ZNF385C: variants seen among roughly 807,000 people sequenced by gnomAD.
The protein encoded by ZNF385C is zinc finger protein 385C.
Under a neutral mutation model 35.4 loss-of-function variants are expected in ZNF385C, and 28 were observed. The observed-to-expected ratio is 0.79, with a 90% CI of 0.59 to 1.08. ZNF385C has a LOEUF of 1.08. Ranked by LOEUF, ZNF385C falls within the 50% of genes least tolerant of loss-of-function variation. The probability of loss-of-function intolerance (pLI) is 0.00; values close to 1 mark genes in which losing one functional copy is unlikely to be tolerated. For synonymous variants in ZNF385C, 248 were observed against 248.2 expected (o/e 1.00, Z 0.01); for missense variants, 605 against 595.6 (o/e 1.02, Z -0.16).
At chr17:42,080,718 A>G (rs1211350448) in intron 1 of ZNF385C, among the ~76,000 whole-genome samples, 1 of 152,216 alleles carries the variant, frequency 6.6e-6, no homozygotes, top group South Asian at 2.1e-4. Context: ...CAGGCCATGA[A>G]GAAGGAGTCC....
At chr17:42,042,823 C>G (rs1171802531) in intron 2 of ZNF385C, 6 of 1,232,104 alleles carry the variant, frequency 4.9e-6, no homozygotes, top group Non-Finnish European at 6.1e-6. Context: ...ATACTTCTGG[C>G]TGTCACCCAC....
intron 1 of ZNF385C, among the ~76,000 whole-genome samples, chr17:42,091,387 G>C (rs778490775): frequency 2.6e-5 from 4 of 151,982 alleles, no homozygotes; most frequent in Admixed American, 6.6e-5. Flanking sequence ...CGGAGGCTGC[G>C]GTGAGCTGTT....
intron 1 of ZNF385C, among the ~76,000 whole-genome samples, chr17:42,089,489 C>T (rs2053842752): frequency 6.6e-6 from 1 of 152,142 alleles, no homozygotes; most frequent in African/African-American, 2.4e-5. Context: ...ACCCCTTCCA[C>T]CTGATTCCTC....
intron 2 of ZNF385C, chr17:42,040,487 G>A (rs2052991204): frequency 8.1e-7 from 1 of 1,232,434 alleles, no homozygotes; most frequent in Non-Finnish European, 1.0e-6. Context: ...TGCAGGACAA[G>A]GGAGAGCTTC....
intron 2 of ZNF385C, among the ~76,000 whole-genome samples, chr17:42,047,320 C>T (rs1279844942): frequency 1.3e-5 from 2 of 152,192 alleles, no homozygotes; most frequent in Non-Finnish European, 2.9e-5. Context: ...GTGTGAGCCA[C>T]TGCGCCTGGC....
At chr17:42,059,566 G>A (rs2053430425) in intron 2 of ZNF385C, among the ~76,000 whole-genome samples, 1 of 152,168 alleles carries the variant, frequency 6.6e-6, no homozygotes, top group African/African-American at 2.4e-5. Context: ...CAGCCATCTG[G>A]GCAGCCTGTC....
chr17:42,086,982 G>C (rs1372544479), intron 1 of ZNF385C, among the ~76,000 whole-genome samples: 1 of 151,446 alleles, frequency 6.6e-6, no homozygotes, highest in Non-Finnish European at 1.5e-5. Context: ...CACCACGCCC[G>C]GCTAATTTTT....
At chr17:42,082,244 G>A (rs1555659777) in intron 1 of ZNF385C, among the ~76,000 whole-genome samples, 1 of 152,162 alleles carries the variant, frequency 6.6e-6, no homozygotes, top group Admixed American at 6.5e-5. Context: ...ACCAAGCCCA[G>A]CACCTCACAG....
At chr17:42,076,853 G>C (rs1021691993) in intron 1 of ZNF385C, among the ~76,000 whole-genome samples, 2 of 152,156 alleles carry the variant, frequency 1.3e-5, no homozygotes, top group Non-Finnish European at 2.9e-5. Flanking sequence ...AAATGAAAAA[G>C]CTCTTCCTGG....
intron 5 of ZNF385C, among the ~76,000 whole-genome samples, chr17:42,031,063 G>A (rs1555654956): frequency 6.7e-6 from 1 of 150,328 alleles, no homozygotes; most frequent in East Asian, 1.9e-4. Flanking sequence ...GGGGGTGGGG[G>A]TGGGCAGGGG....
chr17:42,055,476 A>G (rs577413160), intron 2 of ZNF385C, among the ~76,000 whole-genome samples: 1 of 152,082 alleles, frequency 6.6e-6, no homozygotes, highest in Admixed American at 6.6e-5. Flanking sequence ...AGCGTGGGGC[A>G]CTTCTGTCAC....
intron 2 of ZNF385C, chr17:42,038,201 C>T: frequency 1.4e-6 from 1 of 708,414 alleles, no homozygotes; most frequent in East Asian, 2.8e-5. Context: ...TCTGGGCAGG[C>T]CCTGACACAC....
intron 2 of ZNF385C, among the ~76,000 whole-genome samples, chr17:42,043,819 T>G (rs1468177684): frequency 6.6e-6 from 1 of 152,116 alleles, no homozygotes; most frequent in African/African-American, 2.4e-5. Flanking sequence ...TAATTCGCTT[T>G]GACTGATGAA....
chr17:42,042,766 G>A, intron 2 of ZNF385C: 1 of 1,160,984 alleles, frequency 8.6e-7, no homozygotes, highest in Middle Eastern at 3.3e-4. Context: ...GCATGCTGGG[G>A]CTGTTCCCAG....
intron 3 of ZNF385C, among the ~76,000 whole-genome samples, chr17:42,037,073 T>A (rs2052871642): frequency 6.6e-6 from 1 of 151,734 alleles, no homozygotes; most frequent in Admixed American, 6.6e-5. Context: ...CTTCAGGCAG[T>A]TACAAATGCT....
At chr17:42,085,443 C>CTTTTTTTTT (rs879990133) in intron 1 of ZNF385C, among the ~76,000 whole-genome samples, 1 of 137,776 alleles carries the variant, frequency 7.3e-6, no homozygotes, top group South Asian at 2.3e-4. Context: ...TAATTTTTTT[C>CTTTTTTTTT]TTTTTTTTTT....
intron 1 of ZNF385C, among the ~76,000 whole-genome samples, chr17:42,063,459 C>T (rs2053496133): frequency 6.6e-6 from 1 of 152,124 alleles, no homozygotes; most frequent in South Asian, 2.1e-4. Flanking sequence ...ACCCGGGAGG[C>T]GGAGGTTGCA....
chr17:42,075,525 T>C (rs1038956907), intron 1 of ZNF385C, among the ~76,000 whole-genome samples: 3 of 149,664 alleles, frequency 2.0e-5, no homozygotes, highest in African/African-American at 4.9e-5. Flanking sequence ...GATGGAGTCT[T>C]GCTCTGTCGC....
rs2053003779 is a variant in ZNF385C, at chr17:42,040,929, C to T, written c.251-3044G>A. 4.1e-6 allele frequency: 5 copies of T among 1,232,144 alleles called. No homozygotes were observed. In the African/African-American group the frequency reaches 7.8e-5, roughly 19 times the overall value. 76.3% of individuals were successfully genotyped at this position (1,232,144 alleles called of 1,614,324 possible). On this transcript the variant is annotated intron_variant, in intron 2 of 8. Transcript: ENST00000692273. ...GCTCACTGGGGAGGCTTGAGCTGAG[C>T]CAGGCCAGCTTGGGTGCAGATACGC...
Sources: allele counts gnomAD v4.1 joint callset (sites outside exome capture counted in the v4.1 genomes callset), GRCh38; gene constraint gnomAD v4.1.1; transcripts MANE v1.5; gene names NCBI Gene and HGNC (gene_info 2026-07-23, HGNC 2026-07-21).